Variants in TMEM132D observed in about 807,000 individuals in gnomAD.
TMEM132D encodes the protein mature OL transmembrane protein.
In TMEM132D, 21 loss-of-function variants were observed where a neutral mutation model predicts 62.3. The ratio of observed to expected loss-of-function variants is 0.34; its 90% CI spans 0.24 to 0.49. The LOEUF (loss-of-function observed/expected upper bound fraction) is 0.49, where lower values mean the gene tolerates loss of function less well. TMEM132D is among the 20% of genes least tolerant of loss of function. The pLI, the probability that TMEM132D is intolerant of heterozygous loss-of-function variation, is 0.99. For missense variants in TMEM132D, 1,346 were observed against 1,402.8 expected, an observed-to-expected ratio of 0.96 and a Z score of 0.65; for synonymous variants, 621 against 575.6, an observed-to-expected ratio of 1.08 and a Z score of -1.13.
At chr12:129,521,819 G>A (rs555932912) in intron 3 of TMEM132D, 1 of 152,248 alleles carries the variant, frequency 6.6e-6, no homozygotes, top group Non-Finnish European at 1.5e-5. Flanking sequence ...CACAGTTTGG[G>A]CTATTATGGA....
At chr12:129,584,984 T>C (rs1593076241) in intron 2 of TMEM132D, among the ~76,000 whole-genome samples, 1 of 152,182 alleles carries the variant, frequency 6.6e-6, no homozygotes, top group African/African-American at 2.4e-5. Context: ...ATTTAAAGTG[T>C]ATGTGGCAGT....
At position 129,824,987 on chromosome 12, in the gene TMEM132D, G is replaced by A. The variant is rs145605621; in HGVS notation, c.79+78274C>T. Among the ~76,000 whole-genome samples, 906 of 150,316 alleles carry A rather than the reference G, an allele frequency of 6.0e-3. 8 individuals are homozygous for A. Among genetic ancestry groups the A allele is most frequent in the African/African-American group, 0.021 (851 of 40,816 alleles). On this transcript the variant is annotated intron_variant, in intron 1 of 8. Transcript: ENST00000422113. ...CAACTGTTCCCTATTTGCTCACTTC[G>A]TTCCTTTAACACAGATGGGCAGTCT... is the stretch of plus-strand genomic sequence containing the variant.
intron 1 of TMEM132D, among the ~76,000 whole-genome samples, chr12:129,749,439 G>A (rs533720708): frequency 6.4e-4 from 95 of 148,642 alleles, no homozygotes; most frequent in Non-Finnish European, 1.3e-3. Context: ...AGCATGTTTT[G>A]TTTACAAATG....
intron 1 of TMEM132D, among the ~76,000 whole-genome samples, chr12:129,825,629 C>A (rs759092656): frequency 9.2e-5 from 14 of 152,262 alleles, no homozygotes; most frequent in Non-Finnish European, 1.2e-4. Context: ...ACTGTGTGTG[C>A]TGCTGGGTGG....
chr12:129,810,221 TA>T (rs910263461), intron 1 of TMEM132D, among the ~76,000 whole-genome samples: 4 of 152,018 alleles, frequency 2.6e-5, no homozygotes, highest in Non-Finnish European at 5.9e-5. Flanking sequence ...AAGAAACCCA[TA>T]AAAAATAAAT....
intron 2 of TMEM132D, among the ~76,000 whole-genome samples, chr12:129,644,157 G>C (rs1159887291): frequency 6.6e-6 from 1 of 152,100 alleles, no homozygotes; most frequent in Admixed American, 6.5e-5. Context: ...ATTGATTAAT[G>C]TCTCATGTCT....
chr12:129,573,481 G>A (rs1480254372), intron 2 of TMEM132D, among the ~76,000 whole-genome samples: 1 of 152,166 alleles, frequency 6.6e-6, no homozygotes, highest in Non-Finnish European at 1.5e-5. Flanking sequence ...TGGGACTCAC[G>A]TGAGCTCACC....
At chr12:129,752,708 G>A (rs1334181300) in intron 1 of TMEM132D, among the ~76,000 whole-genome samples, 1 of 152,180 alleles carries the variant, frequency 6.6e-6, no homozygotes, top group Non-Finnish European at 1.5e-5. Context: ...TGCGGGAAAG[G>A]ACAGGGCCCT....
chr12:129,183,918 G>C (rs1026063864), intron 5 of TMEM132D, among the ~76,000 whole-genome samples: 1 of 152,188 alleles, frequency 6.6e-6, no homozygotes, highest in Admixed American at 6.5e-5. Context: ...GTTCAACAGA[G>C]ACCCAACCAC....
chr12:129,620,322 G>A (rs1331035436), intron 2 of TMEM132D, among the ~76,000 whole-genome samples: 1 of 152,222 alleles, frequency 6.6e-6, no homozygotes, highest in African/African-American at 2.4e-5. Flanking sequence ...CAGGCCTGCA[G>A]AAGCAGTGGC....
intron 2 of TMEM132D, among the ~76,000 whole-genome samples, chr12:129,688,718 G>A (rs1196874405): frequency 6.6e-6 from 1 of 151,894 alleles, no homozygotes; most frequent in Non-Finnish European, 1.5e-5. Flanking sequence ...ACTAGATAAT[G>A]AAGAAACAGG....
chr12:129,325,288 C>T (rs182351444), intron 4 of TMEM132D, among the ~76,000 whole-genome samples: 19 of 152,184 alleles, frequency 1.2e-4, no homozygotes, highest in Admixed American at 1.1e-3. Flanking sequence ...CAAAGAAATA[C>T]CATGGAGAAA....
intron 5 of TMEM132D, among the ~76,000 whole-genome samples, chr12:129,136,803 A>ACCATCATCATCG (rs1876581825): frequency 6.7e-6 from 1 of 149,770 alleles, no homozygotes; most frequent in Non-Finnish European, 1.5e-5. Context: ...CACCATCATC[A>ACCATCATCATCG]CCATCATCAT....
chr12:129,244,229 CA>C (rs11357921), intron 4 of TMEM132D, among the ~76,000 whole-genome samples: 108,317 of 150,540 alleles, frequency 0.72, 39,186 homozygotes, highest in Middle Eastern at 0.77. Flanking sequence ...ACTAAAAATA[CA>C]AAAAAATTAG....
chr12:129,646,109 C>T (rs1187755285), intron 2 of TMEM132D, among the ~76,000 whole-genome samples: 4 of 152,148 alleles, frequency 2.6e-5, no homozygotes, highest in African/African-American at 9.7e-5. Flanking sequence ...ACTCTGTTGG[C>T]TCGTACTTGA....
At chr12:129,323,731 C>T (rs1430455706) in intron 4 of TMEM132D, among the ~76,000 whole-genome samples, 3 of 152,196 alleles carry the variant, frequency 2.0e-5, no homozygotes, top group Admixed American at 1.3e-4. Context: ...CTACACTGGA[C>T]AGGTATGCTG....
At chr12:129,726,391 G>A (rs549737996) in intron 1 of TMEM132D, among the ~76,000 whole-genome samples, 4 of 152,222 alleles carry the variant, frequency 2.6e-5, no homozygotes, top group African/African-American at 7.2e-5. Flanking sequence ...ACTGCAGGAG[G>A]TGCATTTGGA....
At chr12:129,413,253 A>C (rs914767456) in intron 3 of TMEM132D, among the ~76,000 whole-genome samples, 2 of 152,114 alleles carry the variant, frequency 1.3e-5, no homozygotes, top group African/African-American at 2.4e-5. Context: ...CCCCCATACT[A>C]TTCTTGTGGT....
intron 5 of TMEM132D, among the ~76,000 whole-genome samples, chr12:129,135,549 G>T (rs77966432): frequency 0.093 from 14,173 of 152,226 alleles, 856 homozygotes; most frequent in East Asian, 0.2. Flanking sequence ...GAGCATAAAG[G>T]CCTTTGCTCA....
Sources: allele counts gnomAD v4.1 joint callset (sites outside exome capture counted in the v4.1 genomes callset), GRCh38; gene constraint gnomAD v4.1.1; transcripts MANE v1.5; gene names NCBI Gene and HGNC (gene_info 2026-07-23, HGNC 2026-07-21).